EZR: variants seen among roughly 807,000 people sequenced by gnomAD.
EZR encodes the protein cytovillin 2.
Under a neutral mutation model 74.8 loss-of-function variants are expected in EZR, and 40 were observed. The observed-to-expected ratio is 0.53, with a 90% CI of 0.42 to 0.70. The LOEUF is 0.70. Ranked by LOEUF, EZR falls within the 30% of genes least tolerant of loss-of-function variation. The pLI, the probability that EZR is intolerant of heterozygous loss-of-function variation, is 0.00. For synonymous variants in EZR, 341 were observed against 283.3 expected (o/e 1.20, Z -2.05); for missense variants, 678 against 755.8 (o/e 0.90, Z 1.21).
intron 2 of EZR, among the ~76,000 whole-genome samples, chr6:158,806,510 G>A (rs1583586066): frequency 7.0e-6 from 1 of 143,538 alleles, no homozygotes; most frequent in Middle Eastern, 3.5e-3. Flanking sequence ...CATATTTTAA[G>A]GCCCTCATTC....
rs1277117291 is a variant in EZR, at chr6:158,803,549, A to G, written c.13-14178T>C. 2.2e-3 allele frequency among the ~76,000 whole-genome samples: 3 copies of G among 1,356 alleles called. 1 individual carries two copies. Among genetic ancestry groups the G allele is most frequent in the East Asian group, 0.091 (2 of 22 alleles). The allele number at this position is 1,356 out of a possible 152,430, so 0.9% of individuals were successfully genotyped here. On this transcript the variant is annotated intron_variant, in intron 2 of 13. Transcript: ENST00000367075. ...ACATTATATATATATATATATGTAT[A>G]TATATATATATATATATATATATAT...
intron 12 of EZR, 104 bp downstream of exon 12, chr6:158,769,222 G>C: frequency 1.1e-6 from 1 of 888,516 alleles, no homozygotes; most frequent in Non-Finnish European, 1.8e-6. Flanking sequence ...GGCAGCTTGA[G>C]CCAGACCTCT....
chr6:158,804,853 G>A (rs1040681528), intron 2 of EZR, among the ~76,000 whole-genome samples: 75 of 150,382 alleles, frequency 5.0e-4, no homozygotes, highest in African/African-American at 1.7e-3. Flanking sequence ...ATGCTGGTGC[G>A]CTGCACCCAC....
chr6:158,771,588 CGT>C (rs1457177337), intron 8 of EZR, among the ~76,000 whole-genome samples, 181 bp from the exon 9 acceptor site: 1 of 152,030 alleles, frequency 6.6e-6, no homozygotes, highest in Non-Finnish European at 1.5e-5. Flanking sequence ...GCACGTGCCG[CGT>C]GTGTGTGCGG....
intron 2 of EZR, 89 bp downstream of exon 2, chr6:158,817,993 C>T (rs373218429): frequency 1.5e-6 from 2 of 1,353,184 alleles, no homozygotes; most frequent in Non-Finnish European, 2.0e-6. Flanking sequence ...ACCCTGTTCC[C>T]CAGGAACTGC....
intron 2 of EZR, among the ~76,000 whole-genome samples, chr6:158,796,673 G>A (rs776739763): frequency 1.1e-4 from 16 of 152,318 alleles, no homozygotes; most frequent in South Asian, 2.1e-4. Context: ...TGGAGGTCAC[G>A]TAACTCTGCA....
chr6:158,804,429 T>G (rs2128575104), intron 2 of EZR, among the ~76,000 whole-genome samples: 1 of 152,370 alleles, frequency 6.6e-6, no homozygotes, highest in South Asian at 2.1e-4. Flanking sequence ...AATAAACTCC[T>G]GAAGTCTAAG....
intron 7 of EZR, among the ~76,000 whole-genome samples, chr6:158,779,702 C>T (rs1791377311): frequency 6.6e-6 from 1 of 152,052 alleles, no homozygotes; most frequent in South Asian, 2.1e-4. Context: ...TAGCTAGGAC[C>T]ACAGGCATGC....
chr6:158,779,494 G>A (rs902445762), intron 7 of EZR, among the ~76,000 whole-genome samples: 3 of 152,164 alleles, frequency 2.0e-5, no homozygotes, highest in African/African-American at 7.2e-5. Context: ...GTTAATGTTT[G>A]AGGAAGCTAA....
chr6:158,811,152 G>T lies in EZR; in HGVS notation c.12+6930C>A, dbSNP rs185689342. On this transcript the variant is annotated intron_variant, in intron 2 of 13. Transcript: ENST00000367075. ...CTTTTTATGTCAACAGGCATGGATG[G>T]TAAATACATCAGAAGGAAAATAATG... 3.8e-3 allele frequency among the ~76,000 whole-genome samples: 584 copies of T among 152,308 alleles called. 1 individual carries two copies. Among genetic ancestry groups the T allele is most frequent in the Non-Finnish European group, 5.7e-3 (386 of 68,024 alleles).
At position 158,800,669 on chromosome 6, in the gene EZR, G is replaced by A. The variant is rs888638730; in HGVS notation, c.13-11298C>T. ...TACAAAATATTAGCCGGGTGTGGTG[G>A]TGCACATTGGTAATCCCAGATACAC... On this transcript the variant is annotated intron_variant, in intron 2 of 13. Coordinates refer to ENST00000367075, the MANE Select transcript of EZR (RefSeq NM_001111077.2). 6.6e-5 allele frequency among the ~76,000 whole-genome samples: 10 copies of A among 152,140 alleles called. No homozygotes were observed. In the South Asian group the frequency reaches 1.5e-3, roughly 22 times the overall value.
rs532589131 is a variant in EZR at position 158,766,608 on chromosome 6, T to C, written c.*306A>G. ...GACTCTTGTATCACACAGGCCAGCA[T>C]GAAGTTTCTTACTCAGACTTTACAG... On this transcript the variant is annotated 3_prime_UTR_variant, in exon 14 of 14. Transcript: ENST00000367075. 1 of 330,340 alleles carries C rather than the reference T, an allele frequency of 3.0e-6. No individual in the cohort carries two copies. The highest frequency in any genetic ancestry group is 6.8e-5 in the South Asian group (1 of 14,652). 20.5% of individuals were successfully genotyped at this position (330,340 alleles called of 1,614,324 possible).
intron 2 of EZR, among the ~76,000 whole-genome samples, chr6:158,803,630 TAC>T (rs1334142167): frequency 3.6e-5 from 1 of 27,780 alleles, no homozygotes; most frequent in Admixed American, 3.7e-4. Flanking sequence ...TATATACATA[TAC>T]ATACATATAT....
At chr6:158,807,423 A>G (rs1208475826) in intron 2 of EZR, among the ~76,000 whole-genome samples, 1 of 151,926 alleles carries the variant, frequency 6.6e-6, no homozygotes, top group Non-Finnish European at 1.5e-5. Flanking sequence ...TACTATCAAA[A>G]CAATCATTTC....
At chr6:158,772,000 A>G (rs1182938237) in intron 8 of EZR, among the ~76,000 whole-genome samples, 1 of 151,948 alleles carries the variant, frequency 6.6e-6, no homozygotes, top group Non-Finnish European at 1.5e-5. Context: ...CTCCAGGATG[A>G]GCTCCAGGGC....
chr6:158,782,415 A>C (rs181511891), intron 7 of EZR, among the ~76,000 whole-genome samples: 12 of 152,382 alleles, frequency 7.9e-5, no homozygotes, highest in Non-Finnish European at 1.5e-4. Context: ...GAGAACAAAA[A>C]TATCTGAGAA....
rs373542195 is a variant in EZR at position 158,785,589 on chromosome 6, C to T, written c.193-6G>A. On this transcript the variant is annotated splice_region_variant and splice_polypyrimidine_tract_variant and intron_variant, in intron 4 of 13. Transcript: ENST00000367075. Reference sequence around the variant, plus strand: ...CTGACCTCCTGGGCAGACACCTGCACGAAACAAGCCACACTCTCCACACAA... The same window carrying T: ...CTGACCTCCTGGGCAGACACCTGCATGAAACAAGCCACACTCTCCACACAA... 49 of 1,612,414 alleles carry T rather than the reference C, an allele frequency of 3.0e-5. No homozygotes were observed. The highest frequency in any genetic ancestry group is 2.7e-4 in the East Asian group (12 of 44,842).
chr6:158,767,517 G>A lies in EZR; in HGVS notation c.1345-5C>T, dbSNP rs3212310. ...GTCATCCTGGGCTTCTTTGGCCTTT[G>A]GAAAGCAAATTAATAAGAGGACTTC... On this transcript the variant is annotated splice_polypyrimidine_tract_variant and splice_region_variant and intron_variant, in intron 12 of 13. Coordinates refer to ENST00000367075, the MANE Select transcript of EZR (RefSeq NM_001111077.2). The A allele has an allele frequency of 0.12, 185,344 of 1,565,678 alleles. 11,745 individuals are homozygous for A. The highest frequency in any genetic ancestry group is 0.12 in the South Asian group (10,399 of 84,712).
chr6:158,776,453 G>A lies in EZR; in HGVS notation c.750C>T (p.Phe250=), dbSNP rs1562492799. Residue 250 remains phenylalanine, a synonymous_variant, in exon 8 of 14, where the codon TTC becomes TTT. Transcript: ENST00000367075. The stretch of plus-strand genomic sequence containing the variant: ...GTTTAATGACAAACTTTTTGTCATT[G>A]AAAGAGATGTTCCTGATTTCACTCC... ...FPWSEIRNIS[F]NDKKFVIKPI... 2 of 1,613,498 alleles carry A rather than the reference G, an allele frequency of 1.2e-6. No individual in the cohort carries two copies. The highest frequency in any genetic ancestry group is 8.5e-7 in the Non-Finnish European group (1 of 1,179,864).
Sources: allele counts gnomAD v4.1 joint callset (sites outside exome capture counted in the v4.1 genomes callset), GRCh38; gene constraint gnomAD v4.1.1; transcripts MANE v1.5; gene names NCBI Gene and HGNC (gene_info 2026-07-23, HGNC 2026-07-21).